The following TECPR2 variants were observed in gnomAD, a reference collection of about 807,000 sequenced individuals.
TECPR2 encodes tectonin beta-propeller repeat containing 2.
TECPR2 carries 65 observed loss-of-function variants against 138.1 expected under a neutral mutation model. That is an observed-to-expected ratio of 0.47 (90% confidence interval 0.39 to 0.58). The LOEUF (loss-of-function observed/expected upper bound fraction) is 0.58. Ranked by LOEUF, TECPR2 falls within the 20% of genes least tolerant of loss-of-function variation. The pLI, the probability that TECPR2 is intolerant of heterozygous loss-of-function variation, is 0.00. For synonymous variants in TECPR2, 746 were observed against 749.8 expected, an observed-to-expected ratio of 0.99 and a Z score of 0.08; for missense variants, 1,553 against 1,824.5, an observed-to-expected ratio of 0.85 and a Z score of 2.71.
At chr14:102,378,383 A>T (rs1194087575) in intron 2 of TECPR2, among the ~76,000 whole-genome samples, 1 of 152,202 alleles carries the variant, frequency 6.6e-6, no homozygotes, top group Admixed American at 6.5e-5. Context: ...TTCTTTAAAA[A>T]TATATTTTTT....
At chr14:102,369,433 G>C (rs551732088) in intron 1 of TECPR2, among the ~76,000 whole-genome samples, 175 of 152,198 alleles carry the variant, frequency 1.1e-3, no homozygotes, top group African/African-American at 4.0e-3. Context: ...CTGTCACCTA[G>C]GCTGGAGTGC....
At chr14:102,385,382 A>G (rs996967431) in intron 2 of TECPR2, among the ~76,000 whole-genome samples, 1 of 152,138 alleles carries the variant, frequency 6.6e-6, no homozygotes, top group African/African-American at 2.4e-5. Context: ...TTTGGGGATC[A>G]GACTTCAACA....
chr14:102,490,512 G>T (rs903068189), intron 17 of TECPR2, among the ~76,000 whole-genome samples: 2 of 152,208 alleles, frequency 1.3e-5, no homozygotes, highest in Non-Finnish European at 2.9e-5. Context: ...TTGGTTTTTT[G>T]TCTGTTGAAA....
chr14:102,395,859 G>T (rs1440640760), intron 2 of TECPR2, among the ~76,000 whole-genome samples: 1 of 152,146 alleles, frequency 6.6e-6, no homozygotes, highest in Non-Finnish European at 1.5e-5. Context: ...TAGGATTATT[G>T]ATCTGAAAAC....
intron 9 of TECPR2, among the ~76,000 whole-genome samples, chr14:102,435,513 T>C (rs1484147897): frequency 6.6e-6 from 1 of 152,168 alleles, no homozygotes; most frequent in African/African-American, 2.4e-5. Flanking sequence ...CTGTTAGCCA[T>C]CGTAGGGCAG....
At chr14:102,463,416 C>CAAAAAAAAAA (rs550694466) in intron 16 of TECPR2, among the ~76,000 whole-genome samples, 1 of 38,510 alleles carries the variant, frequency 2.6e-5, no homozygotes, top group Non-Finnish European at 5.6e-5. Flanking sequence ...GACTCCGTCT[C>CAAAAAAAAAA]AAAAAAAAAA....
At chr14:102,422,794 G>A (rs934660617) in intron 5 of TECPR2, among the ~76,000 whole-genome samples, 2 of 152,162 alleles carry the variant, frequency 1.3e-5, no homozygotes, top group Non-Finnish European at 2.9e-5. Flanking sequence ...GTTTGGGGAT[G>A]GGTTCCCAGG....
In TECPR2 at chr14:102,420,401, C is replaced by A. The variant is rs1412225845; in HGVS notation, c.639-4578C>A. Among the ~76,000 whole-genome samples the A allele has an allele frequency of 6.6e-6, 1 of 152,150 alleles. No individual in the cohort carries two copies. The highest frequency in any genetic ancestry group is 1.5e-5 in the Non-Finnish European group (1 of 68,032). On this transcript the variant is annotated intron_variant, in intron 5 of 19. Coordinates refer to ENST00000359520, the MANE Select transcript of TECPR2 (RefSeq NM_014844.5). This position sits in a 1 kb window ranked among gnomAD's most constrained non-coding sequence, Gnocchi z 4.1. ...TGGTGGCTGAGTCGGGGGCTTAGGA[C>A]AATTTGTACCTGGCTCTAGCTGGTT...
At chr14:102,399,348 C>G (rs1274161359) in intron 2 of TECPR2, among the ~76,000 whole-genome samples, 2 of 152,080 alleles carry the variant, frequency 1.3e-5, no homozygotes, top group African/African-American at 4.8e-5. Context: ...GAAAGAAGAC[C>G]TGTCAACTAA....
intron 2 of TECPR2, among the ~76,000 whole-genome samples, chr14:102,394,327 C>T (rs1404730164): frequency 6.6e-6 from 1 of 152,170 alleles, no homozygotes; most frequent in Admixed American, 6.5e-5. Context: ...AAATTACTAC[C>T]AGGCACGGTG....
chr14:102,482,264 C>G (rs1380303973), intron 17 of TECPR2, among the ~76,000 whole-genome samples: 1 of 152,150 alleles, frequency 6.6e-6, no homozygotes, highest in African/African-American at 2.4e-5. Flanking sequence ...CCACATTGGC[C>G]AGCCTGGTCT....
intron 5 of TECPR2, among the ~76,000 whole-genome samples, chr14:102,417,770 C>T (rs980230671): frequency 5.5e-5 from 8 of 145,414 alleles, no homozygotes; most frequent in African/African-American, 1.3e-4. Flanking sequence ...CCATGGGAGT[C>T]CAGGGGAGCT....
At chr14:102,485,841 A>G (rs1891015719) in intron 17 of TECPR2, among the ~76,000 whole-genome samples, 2 of 152,184 alleles carry the variant, frequency 1.3e-5, no homozygotes, top group African/African-American at 2.4e-5. Flanking sequence ...GCGATGAGCT[A>G]TCAGAGACCA....
intron 13 of TECPR2, among the ~76,000 whole-genome samples, chr14:102,447,596 G>T (rs991183384): frequency 2.0e-5 from 3 of 151,882 alleles, no homozygotes; most frequent in African/African-American, 7.3e-5. Context: ...GTACAATGGC[G>T]CAATCTCGGC....
Position 102,369,697 on chromosome 14 carries a change from T to C in TECPR2, c.-73+6581T>C, listed in dbSNP as rs558225872. Among the ~76,000 whole-genome samples the C allele has an allele frequency of 2.6e-5, 4 of 152,036 alleles. No individual in the cohort carries two copies. In the South Asian group the frequency reaches 6.3e-4, roughly 24 times the overall value. ...TGGCTCACGCCTGTAATCCCAGCAC[T>C]TTGGGAGGCCGAGGCGGGTGGATCA... On this transcript the variant is annotated intron_variant, in intron 1 of 19. Transcript: ENST00000359520.
intron 17 of TECPR2, among the ~76,000 whole-genome samples, chr14:102,475,039 C>T (rs938644684): frequency 2.0e-5 from 3 of 152,200 alleles, no homozygotes; most frequent in Non-Finnish European, 4.4e-5. Context: ...AAGAACAGTC[C>T]CATCCAGGGA....
chr14:102,499,671 G>A lies in TECPR2; in HGVS notation c.*1414G>A, dbSNP rs1824565319. ...CCCGCCCACTGGCATCTGCGTGTGAGGGCTAGGCCGCCCTGCCACACATCC... is the reference window on the plus strand; with the variant it reads ...CCCGCCCACTGGCATCTGCGTGTGAAGGCTAGGCCGCCCTGCCACACATCC... On this transcript the variant is annotated 3_prime_UTR_variant, in exon 20 of 20. Coordinates refer to ENST00000359520, the MANE Select transcript of TECPR2 (RefSeq NM_014844.5). The A allele has an allele frequency of 5.3e-6, 1 of 187,176 alleles. No individual in the cohort carries two copies. Among genetic ancestry groups the A allele is most frequent in the Non-Finnish European group, 1.1e-5 (1 of 89,002 alleles). The allele number at this position is 187,176 out of a possible 1,614,324, so 11.6% of individuals were successfully genotyped here. A position where few individuals can be genotyped will look rare whatever the true frequency, so the allele number is the denominator to read the frequency against.
At chr14:102,483,226 C>G (rs1890933842) in intron 17 of TECPR2, among the ~76,000 whole-genome samples, 1 of 151,960 alleles carries the variant, frequency 6.6e-6, no homozygotes, top group Non-Finnish European at 1.5e-5. Context: ...TCTCTTTGTT[C>G]CTAGTGTTAT....
chr14:102,443,836 G>T lies in TECPR2; in HGVS notation c.2933+9G>T. 6.4e-7 allele frequency: 1 copy of T among 1,556,600 alleles called. No homozygotes were observed. Among genetic ancestry groups the T allele is most frequent in the Non-Finnish European group, 8.8e-7 (1 of 1,141,396 alleles). On this transcript the variant is annotated intron_variant, in intron 12 of 19. Coordinates refer to ENST00000359520, the MANE Select transcript of TECPR2 (RefSeq NM_014844.5). This position sits in a 1 kb window ranked among gnomAD's most constrained non-coding sequence, Gnocchi z 4.9. ...AAGTGTGACATTGTCAGGTACTGGC[G>T]GGCCAGAGACTCCTTTCACATCGTG...
Sources: allele counts gnomAD v4.1 joint callset (sites outside exome capture counted in the v4.1 genomes callset), GRCh38; gene constraint gnomAD v4.1.1; non-coding constraint Gnocchi (gnomAD v3.1); transcripts MANE v1.5; gene names NCBI Gene and HGNC (gene_info 2026-07-23, HGNC 2026-07-21).